The following FUS variants were observed in gnomAD, a reference collection of about 807,000 sequenced individuals.
FUS encodes the protein RNA-binding protein FUS.
FUS carries 5 observed loss-of-function variants against 82.7 expected under a neutral mutation model. That is an observed-to-expected ratio of 0.06 (90% CI 0.03 to 0.13). The LOEUF is 0.13. FUS is among the 10% of genes least tolerant of loss of function. The probability of loss-of-function intolerance (pLI) is 1.00; values close to 1 mark genes in which losing one functional copy is unlikely to be tolerated. For missense variants in FUS, 512 were observed against 707.8 expected, an observed-to-expected ratio of 0.72 and a Z score of 3.14; for synonymous variants, 281 against 247.4, an observed-to-expected ratio of 1.14 and a Z score of -1.27.
At chr16:31,181,092 C>CT (rs2079169864) in intron 1 of FUS, among the ~76,000 whole-genome samples, 1 of 152,048 alleles carries the variant, frequency 6.6e-6, no homozygotes, top group African/African-American at 2.4e-5. Flanking sequence ...TTTTGTGTTT[C>CT]TTAGTAGGGG....
At chr16:31,187,809 T>G (rs1455062049) in intron 7 of FUS, 5 of 240,786 alleles carry the variant, frequency 2.1e-5, no homozygotes, top group African/African-American at 4.4e-5. Flanking sequence ...GTTTTTATTT[T>G]CATGTGGTTT....
At chr16:31,185,263 A>G (rs2076045574) in intron 6 of FUS, 84 bp downstream of exon 6, 5 of 1,429,188 alleles carry the variant, frequency 3.5e-6, no homozygotes, top group East Asian at 2.4e-5. Context: ...TCCCTAGTGC[A>G]TGGTTTAGTA....
chr16:31,187,729 C>T, intron 7 of FUS: 1 of 234,650 alleles, frequency 4.3e-6, no homozygotes, highest in Non-Finnish European at 8.4e-6. Flanking sequence ...ATAGAGGCTG[C>T]ATTACGGAAA....
Position 31,182,902 on chromosome 16 carries a change from G to A in FUS, c.190+238G>A, listed in dbSNP as rs1596891165. 2 of 505,268 alleles carry A rather than the reference G, an allele frequency of 4.0e-6. 1 individual carries two copies. Among genetic ancestry groups the A allele is most frequent in the Admixed American group, 6.2e-5 (2 of 32,368 alleles). The allele number at this position is 505,268 out of a possible 1,614,324, so 31.3% of individuals were successfully genotyped here. ...TGGCTAATTTTGTGTTTTTAGTAGA[G>A]ATGGGGTTTCACCGTGTTGGACAGG... On this transcript the variant is annotated intron_variant, in intron 3 of 14. Coordinates refer to ENST00000254108, the MANE Select transcript of FUS (RefSeq NM_004960.4).
At position 31,183,919 on chromosome 16, in the gene FUS, C is replaced by T; in HGVS notation, c.252C>T (p.Ser84=). 1 of 1,614,120 alleles carries T rather than the reference C, an allele frequency of 6.2e-7. No homozygotes were observed. Among genetic ancestry groups the T allele is most frequent in the Non-Finnish European group, 8.5e-7 (1 of 1,180,018 alleles). The change falls in exon 4 of 15, where the codon AGC becomes AGT. Residue 84 remains serine (S), a synonymous_variant. Transcript: ENST00000254108. ...GYGSTGGYGS[S]QSSQSSYGQQ... ...GCTCGACTGGCGGCTATGGCAGTAG[C>T]CAGAGCTCCCAATCGTCTTACGGGC... is the stretch of plus-strand genomic sequence containing the variant.
chr16:31,188,811 A>G (rs933685678), intron 8 of FUS: 4 of 477,932 alleles, frequency 8.4e-6, no homozygotes, highest in East Asian at 3.7e-5. Context: ...TAATTCGGGG[A>G]CCTTCAACTG....
At position 31,190,022 on chromosome 16, in the gene FUS, GA is replaced by G. The variant is rs758121125; in HGVS notation, c.1067-17del. Reference sequence around the variant, plus strand: ...TGTCTTGCATTTAAAGTCTGTTGATGATTTTTTGTTTCTCTAGGTAAAGAAT... The same window carrying G: ...TGTCTTGCATTTAAAGTCTGTTGATGTTTTTTGTTTCTCTAGGTAAAGAAT... On this transcript the variant is annotated splice_polypyrimidine_tract_variant and intron_variant, in intron 10 of 14. Coordinates refer to ENST00000254108, the MANE Select transcript of FUS (RefSeq NM_004960.4). 83 of 1,601,874 alleles carry G rather than the reference GA, an allele frequency of 5.2e-5. No homozygotes were observed. Among genetic ancestry groups the G allele is most frequent in the Non-Finnish European group, 7.0e-5 (82 of 1,173,080 alleles).
At chr16:31,192,518 A>G (rs1295182262), downstream of FUS, 1 of 513,832 alleles carries the variant, frequency 1.9e-6, no homozygotes, top group South Asian at 1.5e-5. Context: ...TAGCTTACAA[A>G]TGTGCTGGGG....
chr16:31,184,513 G>T (rs1381386361), intron 5 of FUS, 117 bp downstream of exon 5: 6 of 1,042,746 alleles, frequency 5.8e-6, no homozygotes, highest in Middle Eastern at 2.9e-4. Flanking sequence ...GCACAATCTC[G>T]GCTCACTGCA....
At chr16:31,180,460 G>A (rs1271550280) in intron 1 of FUS, among the ~76,000 whole-genome samples, 1 of 152,184 alleles carries the variant, frequency 6.6e-6, no homozygotes, top group Non-Finnish European at 1.5e-5. Context: ...CGTTTGCTTG[G>A]GGTGGGCGTT....
At chr16:31,188,927 A>G in intron 8 of FUS, 196 bp from the exon 9 acceptor site, 1 of 615,402 alleles carries the variant, frequency 1.6e-6, no homozygotes, top group Non-Finnish European at 2.9e-6. Context: ...GTTTCAAAGG[A>G]TAATTGTCAA....
chr16:31,188,420 T>C lies in FUS; in HGVS notation c.832+63T>C, dbSNP rs1164348643. 18 of 1,539,532 alleles carry C rather than the reference T, an allele frequency of 1.2e-5. No individual in the cohort carries two copies. The Admixed American group carries it at 2.9e-4, about 25-fold the overall frequency. On this transcript the variant is annotated intron_variant, in intron 8 of 14. Coordinates refer to ENST00000254108, the MANE Select transcript of FUS (RefSeq NM_004960.4). The stretch of plus-strand genomic sequence containing the variant: ...AGTGGTATCAAGACTGCCTGGATGT[T>C]CTTTGAAACTATTATAAAAAGGAAA...
At chr16:31,191,869 A>ATTTATTTGCATACTGGTCTTAG (rs1314770014), downstream of FUS, 21 of 544,346 alleles carry the variant, frequency 3.9e-5, no homozygotes, top group Non-Finnish European at 6.3e-5. Context: ...CCTTTACCAC[A>ATTTATTTGCATACTGGTCTTAG]TTTATTTGCA....
At chr16:31,193,537 G>A (rs370600518), downstream of FUS, 48 of 529,862 alleles carry the variant, frequency 9.1e-5, no homozygotes, top group African/African-American at 8.2e-4. Context: ...GGAGGTCGAA[G>A]CTCCTTGTAA....
intron 6 of FUS, 145 bp downstream of exon 6, chr16:31,185,324 TC>T (rs2079251871): frequency 4.2e-6 from 4 of 952,810 alleles, no homozygotes; most frequent in South Asian, 3.5e-5. Flanking sequence ...GCAGTGACTT[TC>T]TTTTTACATC....
chr16:31,183,946 GCAGT>G lies in FUS; in HGVS notation c.281_284del (p.Gln94ProfsTer90). 1 of 1,613,936 alleles carries G rather than the reference GCAGT, an allele frequency of 6.2e-7. No homozygotes were observed. The highest frequency in any genetic ancestry group is 8.5e-7 in the Non-Finnish European group (1 of 1,179,828). On this transcript the variant is annotated frameshift_variant, in exon 4 of 15. Coordinates refer to ENST00000254108, the MANE Select transcript of FUS (RefSeq NM_004960.4). LOFTEE classifies it high-confidence loss of function. ...AGAGCTCCCAATCGTCTTACGGGCA[GCAGT>G]CCTCCTACCCTGGCTATGGCCAGCA... is the stretch of plus-strand genomic sequence containing the variant.
chr16:31,185,470 T>A, intron 6 of FUS: 1 of 641,206 alleles, frequency 1.6e-6, no homozygotes, highest in South Asian at 1.5e-5. Flanking sequence ...GTCATTAATA[T>A]CCTAGGCAAG....
chr16:31,185,818 T>C (rs1165181344), intron 6 of FUS: 1 of 279,538 alleles, frequency 3.6e-6, no homozygotes, highest in African/African-American at 2.1e-5. Context: ...CCTGGTTACT[T>C]AAAATTCATC....
chr16:31,188,042 G>C, intron 7 of FUS: 2 of 529,208 alleles, frequency 3.8e-6, no homozygotes, highest in Non-Finnish European at 6.8e-6. Context: ...CTGTGCTGAG[G>C]ACATTTCCCA....
Sources: gnomAD v4.1 joint callset for allele counts (sites outside exome capture counted in the v4.1 genomes callset) on GRCh38, gnomAD v4.1.1 for gene constraint, MANE v1.5 for transcripts, NCBI Gene and HGNC (gene_info 2026-07-23, HGNC 2026-07-21) for gene names.